The following ABR variants were observed in gnomAD, a reference collection of about 807,000 sequenced individuals.
ABR encodes active breakpoint cluster region-related protein.
ABR carries 35 observed loss-of-function variants against 107.2 expected under a neutral mutation model. That is an observed-to-expected ratio of 0.33 (90% confidence interval 0.25 to 0.43). The LOEUF (loss-of-function observed/expected upper bound fraction) is 0.43, where lower values mean the gene tolerates loss of function less well. ABR is among the 20% of genes least tolerant of loss of function. The pLI is 1.00. For synonymous variants in ABR, 498 were observed against 462.0 expected (o/e 1.08, Z -1.00); for missense variants, 815 against 1,115.2 (o/e 0.73, Z 3.83).
chr17:1,020,295 C>A (rs968436157), intron 16 of ABR, among the ~76,000 whole-genome samples: 2 of 152,218 alleles, frequency 1.3e-5, no homozygotes, highest in South Asian at 2.1e-4. Context: ...GTTGGCCAGG[C>A]TGGTCTCCAA....
intron 3 of ABR, among the ~76,000 whole-genome samples, chr17:1,096,168 C>A (rs1280818188): frequency 1.3e-5 from 2 of 152,202 alleles, no homozygotes; most frequent in African/African-American, 2.4e-5. Flanking sequence ...CACCAGGAAG[C>A]AGGAGGGCCC....
At chr17:1,181,711 C>T (rs2042141033), upstream of ABR, among the ~76,000 whole-genome samples, 1 of 152,242 alleles carries the variant, frequency 6.6e-6, no homozygotes. Context: ...GGCATCTCTT[C>T]TTCCCACCTG....
At chr17:1,184,237 C>T (rs1252676791), upstream of ABR, among the ~76,000 whole-genome samples, 3 of 151,730 alleles carry the variant, frequency 2.0e-5, no homozygotes, top group African/African-American at 7.3e-5. Context: ...GGGTGGATCA[C>T]GAAGTCAGGA....
At chr17:1,039,667 A>C (rs1190105467) in intron 16 of ABR, 1 of 152,568 alleles carries the variant, frequency 6.6e-6, no homozygotes, top group Non-Finnish European at 1.5e-5. Flanking sequence ...GAGAGTCAGC[A>C]GGAAGTAGAA....
At chr17:1,014,408 T>G (rs1231715268) in intron 16 of ABR, among the ~76,000 whole-genome samples, 5 of 147,684 alleles carry the variant, frequency 3.4e-5, no homozygotes, top group Non-Finnish European at 6.0e-5. Flanking sequence ...GCCACTGCAC[T>G]CCAGCCTGGG....
intron 16 of ABR, chr17:1,031,733 G>A (rs1319192637): frequency 8.9e-6 from 11 of 1,240,612 alleles, no homozygotes; most frequent in Admixed American, 4.2e-5. Context: ...GGGGCAGGAC[G>A]TCGGTCATGC....
intron 4 of ABR, among the ~76,000 whole-genome samples, chr17:1,088,284 C>T: frequency 6.6e-6 from 1 of 152,048 alleles, no homozygotes; most frequent in South Asian, 2.1e-4. Flanking sequence ...CTCCTCTACC[C>T]TCCTGAGGGA....
intron 16 of ABR, among the ~76,000 whole-genome samples, chr17:1,028,121 C>T (rs932853747): frequency 2.0e-5 from 3 of 152,088 alleles, no homozygotes; most frequent in South Asian, 2.1e-4. Context: ...GACCGAGTCT[C>T]GCTCTGTTGC....
intron 4 of ABR, among the ~76,000 whole-genome samples, chr17:1,086,749 C>T (rs940473613): frequency 2.0e-5 from 3 of 152,126 alleles, no homozygotes; most frequent in African/African-American, 4.8e-5. Context: ...GATCCACCCG[C>T]CTCCGCCTCC....
chr17:1,190,246 G>A (rs900193349), upstream of ABR, among the ~76,000 whole-genome samples: 1 of 152,192 alleles, frequency 6.6e-6, no homozygotes, highest in Admixed American at 6.5e-5. Context: ...ACATGGAAAC[G>A]GCATAGAAAC....
chr17:1,207,097 A>G (rs901305508), intron 1 of ABR, among the ~76,000 whole-genome samples: 4 of 151,170 alleles, frequency 2.6e-5, no homozygotes, highest in African/African-American at 9.7e-5. Context: ...ACAAACAAAA[A>G]AAAAAGCCAG....
intron 1 of ABR, among the ~76,000 whole-genome samples, chr17:1,193,955 A>C (rs1598103838): frequency 6.6e-6 from 1 of 152,010 alleles, no homozygotes; most frequent in Non-Finnish European, 1.5e-5. Flanking sequence ...TGGCCTCTCA[A>C]AGTGCTGGGA....
At chr17:1,029,731 G>A (rs976109037) in intron 16 of ABR, among the ~76,000 whole-genome samples, 8 of 152,196 alleles carry the variant, frequency 5.3e-5, no homozygotes, top group Non-Finnish European at 1.0e-4. Context: ...CTGGCCCTTT[G>A]ACTCTGCTGC....
intron 1 of ABR, 106 bp from the exon 2 acceptor site, chr17:1,125,473 C>T (rs1273083195): frequency 1.5e-6 from 2 of 1,361,082 alleles, no homozygotes; most frequent in Non-Finnish European, 2.1e-6. Flanking sequence ...ATGGCCCCGG[C>T]CGCACCATCC....
At chr17:1,073,162 A>T (rs1308011375) in intron 7 of ABR, among the ~76,000 whole-genome samples, 1 of 142,276 alleles carries the variant, frequency 7.0e-6, no homozygotes, top group East Asian at 2.1e-4. Flanking sequence ...CCTGGGTGAC[A>T]GAGTGAGACT....
upstream of ABR, among the ~76,000 whole-genome samples, chr17:1,183,584 G>T (rs1158529408): frequency 6.6e-6 from 1 of 152,082 alleles, no homozygotes; most frequent in East Asian, 1.9e-4. Context: ...TTGGTTCTTG[G>T]CCAGGACAGA....
chr17:1,049,146 G>C (rs957293024), intron 16 of ABR, among the ~76,000 whole-genome samples: 2 of 152,088 alleles, frequency 1.3e-5, no homozygotes, highest in African/African-American at 4.8e-5. Flanking sequence ...TTTATAGGGA[G>C]CCAAAAGCAC....
intron 1 of ABR, among the ~76,000 whole-genome samples, chr17:1,206,811 G>A (rs1334460821): frequency 5.9e-5 from 9 of 152,170 alleles, no homozygotes; most frequent in African/African-American, 9.7e-5. Context: ...TAGGCTGGGC[G>A]CGGTGGCTCA....
chr17:1,149,994 G>A (rs911991792), intron 1 of ABR, among the ~76,000 whole-genome samples: 1 of 152,206 alleles, frequency 6.6e-6, no homozygotes, highest in African/African-American at 2.4e-5. Context: ...TCTAAGAACA[G>A]GGCCTGGCAC....
Sources: allele counts gnomAD v4.1 joint callset (sites outside exome capture counted in the v4.1 genomes callset), GRCh38; gene constraint gnomAD v4.1.1; transcripts MANE v1.5; gene names NCBI Gene and HGNC (gene_info 2026-07-23, HGNC 2026-07-21).